Variants in SAMD5 observed in about 807,000 individuals in gnomAD.
SAMD5 encodes the protein sterile alpha motif domain containing 5, also known as sterile alpha motif domain-containing protein 5.
Under a neutral mutation model 11.3 loss-of-function variants are expected in SAMD5, and 13 were observed. The observed-to-expected ratio is 1.15, with a 90% confidence interval of 0.75 to 1.83. The LOEUF is 1.83. Ranked by LOEUF, SAMD5 falls within the 40% of genes most tolerant of loss-of-function variation. The pLI is 0.00. For missense variants in SAMD5, 255 were observed against 239.1 expected, an observed-to-expected ratio of 1.07 and a Z score of -0.44; for synonymous variants, 129 against 111.3, an observed-to-expected ratio of 1.16 and a Z score of -1.00.
At chr6:147,618,859 A>G (rs924718377) in intron 1 of SAMD5, among the ~76,000 whole-genome samples, 7 of 152,244 alleles carry the variant, frequency 4.6e-5, no homozygotes, top group Non-Finnish European at 1.0e-4. Context: ...TCAAAGTACT[A>G]TATTCCTGAA....
the SAMD5 span, among the ~76,000 whole-genome samples, chr6:147,923,744 C>A: frequency 6.6e-6 from 1 of 152,126 alleles, no homozygotes; most frequent in Non-Finnish European, 1.5e-5. Context: ...AGTCTGATAG[C>A]TCAAAGTAAA....
the SAMD5 span, among the ~76,000 whole-genome samples, chr6:147,745,542 G>T: frequency 1.3e-5 from 2 of 152,122 alleles, no homozygotes; most frequent in Non-Finnish European, 2.9e-5. Flanking sequence ...TTTTCCAGAG[G>T]GGATAGATGT....
intron 1 of SAMD5, among the ~76,000 whole-genome samples, chr6:147,663,798 AAAAAAAAAAAAAAAGAG>A (rs1790678888): frequency 1.4e-5 from 2 of 139,222 alleles, no homozygotes; most frequent in Admixed American, 7.4e-5. Flanking sequence ...TCTCAAAAAA[AAAAAAAAAAAAAAAGAG>A]AGAGAAAGAA....
At position 147,566,743 on chromosome 6, in the gene SAMD5, TAAAG is replaced by T; in HGVS notation, c.*2288_*2291del. On this transcript the variant is annotated 3_prime_UTR_variant, in exon 2 of 2. Coordinates refer to ENST00000367474, the MANE Select transcript of SAMD5 (RefSeq NM_001030060.3). ...ATGGATTTTAAAAAGACATCTTAGTTAAAGCTAGAGGAAGAAAACTTCAAATAAG... is the reference window on the plus strand; with the variant it reads ...ATGGATTTTAAAAAGACATCTTAGTTCTAGAGGAAGAAAACTTCAAATAAG... 3.0e-6 allele frequency: 3 copies of T among 985,238 alleles called. No homozygotes were observed. The highest frequency in any genetic ancestry group is 2.4e-6 in the Non-Finnish European group (2 of 829,740). 61.0% of individuals were successfully genotyped at this position (985,238 alleles called of 1,614,324 possible). A position where few individuals can be genotyped will look rare whatever the true frequency, so the allele number is the denominator to read the frequency against.
At chr6:147,726,575 CTGT>C (rs1158090111) in intron 1 of SAMD5, among the ~76,000 whole-genome samples, 6 of 152,206 alleles carry the variant, frequency 3.9e-5, no homozygotes, top group African/African-American at 1.4e-4. Context: ...TTTTGCAAAG[CTGT>C]TGTTTGACTT....
At chr6:147,715,384 G>T (rs1314722030) in intron 1 of SAMD5, among the ~76,000 whole-genome samples, 1 of 152,226 alleles carries the variant, frequency 6.6e-6, no homozygotes, top group Non-Finnish European at 1.5e-5. Context: ...CTCCCTCTGA[G>T]GCTGAGGTTG....
chr6:147,792,722 A>G, the SAMD5 span, among the ~76,000 whole-genome samples: 1 of 152,200 alleles, frequency 6.6e-6, no homozygotes, highest in African/African-American at 2.4e-5. Flanking sequence ...TTGTAGGACT[A>G]GAAAGTAAGG....
At chr6:147,601,326 C>CA (rs1789611357) in intron 1 of SAMD5, among the ~76,000 whole-genome samples, 2 of 150,226 alleles carry the variant, frequency 1.3e-5, no homozygotes, top group Admixed American at 1.3e-4. Context: ...ATACCCTGAA[C>CA]ACCATAAATC....
chr6:147,806,446 C>G, the SAMD5 span, among the ~76,000 whole-genome samples: 1 of 152,192 alleles, frequency 6.6e-6, no homozygotes, highest in Admixed American at 6.5e-5. Context: ...CAACATCTTT[C>G]TAGTGGAGCC....
At chr6:147,643,745 G>GAAGGAAGGAAGGAAGA (rs1790348970) in intron 1 of SAMD5, among the ~76,000 whole-genome samples, 1 of 8,296 alleles carries the variant, frequency 1.2e-4, no homozygotes, top group African/African-American at 3.5e-4. Context: ...GGGAAGGAAA[G>GAAGGAAGGAAGGAAGA]AAGGAAGGAA....
At chr6:147,861,355 G>A in the SAMD5 span, among the ~76,000 whole-genome samples, 3 of 151,096 alleles carry the variant, frequency 2.0e-5, no homozygotes, top group African/African-American at 7.3e-5. Flanking sequence ...TGCTAGAGAC[G>A]GGGTTTCACC....
intron 1 of SAMD5, among the ~76,000 whole-genome samples, chr6:147,681,490 T>C (rs1790939854): frequency 6.6e-6 from 1 of 152,196 alleles, no homozygotes. Flanking sequence ...AATGTCTTTG[T>C]CAGCTAATTC....
At chr6:147,812,529 A>T in the SAMD5 span, among the ~76,000 whole-genome samples, 2 of 152,142 alleles carry the variant, frequency 1.3e-5, no homozygotes, top group African/African-American at 4.8e-5. Flanking sequence ...TGAAGTAGGC[A>T]ATCTAGTTTT....
intron 1 of SAMD5, among the ~76,000 whole-genome samples, chr6:147,663,250 G>C (rs954159547): frequency 6.6e-6 from 1 of 152,112 alleles, no homozygotes; most frequent in Non-Finnish European, 1.5e-5. Flanking sequence ...TCCAATACTT[G>C]ATGTAAAATT....
At chr6:147,513,255 G>A (rs991106517) in intron 1 of SAMD5, among the ~76,000 whole-genome samples, 1 of 152,200 alleles carries the variant, frequency 6.6e-6, no homozygotes, top group Non-Finnish European at 1.5e-5. Context: ...CTGACCAGAG[G>A]CAAGCCAAAC....
At chr6:147,573,074 T>A (rs1292657640), downstream of SAMD5, among the ~76,000 whole-genome samples, 1 of 152,228 alleles carries the variant, frequency 6.6e-6, no homozygotes, top group African/African-American at 2.4e-5. Context: ...GCAGTCATTA[T>A]GTGTCTTGTT....
chr6:147,641,567 A>AT (rs35496907), intron 1 of SAMD5, among the ~76,000 whole-genome samples: 74,516 of 139,846 alleles, frequency 0.53, 20,546 homozygotes, highest in South Asian at 0.66. Flanking sequence ...TCTGTCTTTA[A>AT]TTTTTTTTTT....
At chr6:147,605,213 A>G (rs913250992) in intron 1 of SAMD5, among the ~76,000 whole-genome samples, 1 of 152,164 alleles carries the variant, frequency 6.6e-6, no homozygotes, top group Admixed American at 6.5e-5. Flanking sequence ...CCTGGACTCA[A>G]GCAATCTTCC....
chr6:147,848,997 A>G, the SAMD5 span, among the ~76,000 whole-genome samples: 10 of 152,170 alleles, frequency 6.6e-5, no homozygotes, highest in African/African-American at 2.4e-4. Flanking sequence ...CTTTGCAGGC[A>G]GTAAAGGCTG....
Sources: allele counts gnomAD v4.1 joint callset (sites outside exome capture counted in the v4.1 genomes callset), GRCh38; gene constraint gnomAD v4.1.1; transcripts MANE v1.5; gene names NCBI Gene and HGNC (gene_info 2026-07-23, HGNC 2026-07-21).